The following C16orf89 variants were observed in gnomAD, a reference collection of about 807,000 sequenced individuals.
C16orf89 encodes chromosome 16 open reading frame 89.
A neutral mutation model predicts 41.5 loss-of-function variants in C16orf89; 57 were observed. The observed-to-expected ratio is 1.38, with a 90% confidence interval of 1.11 to 1.71. The LOEUF (loss-of-function observed/expected upper bound fraction) is 1.71, where lower values mean the gene tolerates loss of function less well. Ranked by LOEUF, C16orf89 falls within the 40% of genes most tolerant of loss-of-function variation. The probability of loss-of-function intolerance (pLI) is 0.00; values close to 1 mark genes in which losing one functional copy is unlikely to be tolerated. For missense variants in C16orf89, 575 were observed against 445.9 expected (o/e 1.29, Z -2.61); for synonymous variants, 223 against 190.6 (o/e 1.17, Z -1.40).
chr16:5,054,874 C>G (rs954133953), intron 6 of C16orf89, among the ~76,000 whole-genome samples: 11 of 152,186 alleles, frequency 7.2e-5, no homozygotes, highest in African/African-American at 2.7e-4. Context: ...TCGCCTTCCA[C>G]TATGATTGTG....
intron 6 of C16orf89, 54 bp from the exon 7 acceptor site, chr16:5,048,018 T>G (rs776210810): frequency 5.3e-6 from 5 of 947,912 alleles, no homozygotes; most frequent in Non-Finnish European, 8.3e-6. Flanking sequence ...TTTTTTACAT[T>G]TTTATTTCTT....
At chr16:5,044,881 C>A in intron 7 of C16orf89, 1 of 1,254,860 alleles carries the variant, frequency 8.0e-7, no homozygotes, top group South Asian at 1.3e-5. Flanking sequence ...TCATTCCAGG[C>A]AACTTGCAAG....
chr16:5,065,492 A>G (rs1956720392), intron 1 of C16orf89, among the ~76,000 whole-genome samples: 1 of 152,168 alleles, frequency 6.6e-6, no homozygotes, highest in Admixed American at 6.6e-5. Context: ...TTGCCTTTAA[A>G]TCTTTCCTAC....
At chr16:5,048,483 C>T (rs974547978) in intron 6 of C16orf89, among the ~76,000 whole-genome samples, 1 of 152,164 alleles carries the variant, frequency 6.6e-6, no homozygotes, top group African/African-American at 2.4e-5. Flanking sequence ...AACTTGTCAT[C>T]TACTGATGGT....
At chr16:5,054,898 A>G (rs2142635727) in intron 6 of C16orf89, among the ~76,000 whole-genome samples, 1 of 152,300 alleles carries the variant, frequency 6.6e-6, no homozygotes, top group Non-Finnish European at 1.5e-5. Context: ...CCTCCCCAGC[A>G]GTGTGCAACT....
chr16:5,057,310 G>A (rs1193355207), intron 4 of C16orf89, among the ~76,000 whole-genome samples: 3 of 140,292 alleles, frequency 2.1e-5, no homozygotes, highest in Non-Finnish European at 4.6e-5. Context: ...ATATATAGTG[G>A]TATATATATA....
intron 6 of C16orf89, among the ~76,000 whole-genome samples, chr16:5,051,404 C>G (rs1448075107): frequency 1.3e-5 from 2 of 152,058 alleles, no homozygotes; most frequent in African/African-American, 2.4e-5. Context: ...TTTCATACAC[C>G]TACAATGAAC....
At chr16:5,055,568 A>G in intron 5 of C16orf89, 1 of 1,180,224 alleles carries the variant, frequency 8.5e-7, no homozygotes, top group Non-Finnish European at 1.2e-6. Context: ...GGCCTTGGTC[A>G]GGGCTGCTCC....
chr16:5,042,825 A>G (rs1363922344), downstream of C16orf89: 1 of 152,296 alleles, frequency 6.6e-6, no homozygotes, highest in Non-Finnish European at 1.5e-5. This position sits in a 1 kb window ranked among gnomAD's most constrained non-coding sequence, Gnocchi z 4.2. Flanking sequence ...CAGGGAACAC[A>G]TTCAGATATA....
At chr16:5,046,895 A>T (rs1018475431) in intron 7 of C16orf89, among the ~76,000 whole-genome samples, 1 of 152,170 alleles carries the variant, frequency 6.6e-6, no homozygotes, top group Non-Finnish European at 1.5e-5. Flanking sequence ...GGCACTATTC[A>T]TAATGGCTCC....
At chr16:5,053,704 C>T (rs113215046) in intron 6 of C16orf89, among the ~76,000 whole-genome samples, 5 of 152,184 alleles carry the variant, frequency 3.3e-5, no homozygotes, top group Admixed American at 6.5e-5. Flanking sequence ...CCACCACACC[C>T]GGCTAATGTT....
chr16:5,051,025 A>G (rs1310908810), intron 6 of C16orf89, among the ~76,000 whole-genome samples: 1 of 152,220 alleles, frequency 6.6e-6, no homozygotes, highest in East Asian at 1.9e-4. Flanking sequence ...AAATCTCTCA[A>G]TACGTTAGGT....
At chr16:5,049,868 T>C (rs1212651827) in intron 6 of C16orf89, among the ~76,000 whole-genome samples, 1 of 151,522 alleles carries the variant, frequency 6.6e-6, no homozygotes, top group Non-Finnish European at 1.5e-5. Flanking sequence ...CAGAAATAAA[T>C]AAGAGACTAA....
chr16:5,057,863 G>C (rs1197991485), intron 4 of C16orf89, among the ~76,000 whole-genome samples: 1 of 151,870 alleles, frequency 6.6e-6, no homozygotes, highest in African/African-American at 2.4e-5. Context: ...AGTTCTTTCT[G>C]ATGATTCTCT....
intron 3 of C16orf89, among the ~76,000 whole-genome samples, chr16:5,059,305 CA>C (rs1276625424): frequency 6.7e-6 from 1 of 150,106 alleles, no homozygotes; most frequent in African/African-American, 2.4e-5. Context: ...AATACACACA[CA>C]AATACAAAAA....
chr16:5,059,277 A>G (rs1340336110), intron 3 of C16orf89, among the ~76,000 whole-genome samples: 3 of 151,548 alleles, frequency 2.0e-5, no homozygotes, highest in Non-Finnish European at 4.4e-5. Context: ...AATAAAATAA[A>G]ATAAAGTAAA....
intron 1 of C16orf89, among the ~76,000 whole-genome samples, chr16:5,065,112 A>ATGTG (rs1324060044): frequency 1.3e-5 from 2 of 151,610 alleles, no homozygotes; most frequent in Admixed American, 6.6e-5. Context: ...TGTGATGTGC[A>ATGTG]TGTGTGTGTG....
Position 5,065,772 on chromosome 16 carries a change from G to T in C16orf89, c.137C>A (p.Ala46Asp), listed in dbSNP as rs1439435439. The change falls in exon 1 of 8, where the codon GCC becomes GAC. Residue 46 changes from alanine (A) to aspartate (D), a missense_variant. Physicochemically the swap from Ala to Asp is moderately radical, Grantham distance 126. Coordinates refer to ENST00000472572, the MANE Select transcript of C16orf89 (RefSeq NM_001098514.3). ...ADLILSALER[A>D]TVFLEQRLPE... ...CAGCCTCTGTTCTAGGAAGACGGTG[G>T]CTCTCTCCAGCGCAGACAGGATCAG... 3 of 1,614,142 alleles carry T rather than the reference G, an allele frequency of 1.9e-6. No individual in the cohort carries two copies. Among genetic ancestry groups the T allele is most frequent in the Admixed American group, 3.3e-5 (2 of 60,020 alleles).
rs1009701197 is a variant in C16orf89, at chr16:5,058,455, C to T, written c.627+38G>A. On this transcript the variant is annotated intron_variant, in intron 4 of 7. Transcript: ENST00000472572. ...GCTGCCCCTTTTCCTTTTTCCTTCC[C>T]CTTCCCCTGGCACGGCGGGGGCTCC... The T allele has an allele frequency of 3.9e-6, 6 of 1,535,902 alleles. No homozygotes were observed. The East Asian group carries it at 9.2e-5, about 24-fold the overall frequency.
Sources: allele counts gnomAD v4.1 joint callset (sites outside exome capture counted in the v4.1 genomes callset), GRCh38; gene constraint gnomAD v4.1.1; non-coding constraint Gnocchi (gnomAD v3.1); transcripts MANE v1.5; gene names NCBI Gene and HGNC (gene_info 2026-07-23, HGNC 2026-07-21).